Variants in EIF2D observed in about 807,000 individuals in gnomAD.
EIF2D encodes eukaryotic translation initiation factor 2D.
A neutral mutation model predicts 77.4 loss-of-function variants in EIF2D; 56 were observed. The observed-to-expected ratio is 0.72, with a 90% CI of 0.58 to 0.90. The LOEUF (loss-of-function observed/expected upper bound fraction) is 0.90, where lower values mean the gene tolerates loss of function less well. Ranked by LOEUF, EIF2D falls within the 40% of genes least tolerant of loss-of-function variation. EIF2D has a pLI of 0.00. For missense variants in EIF2D, 574 were observed against 706.5 expected (o/e 0.81, Z 2.13); for synonymous variants, 230 against 271.0 (o/e 0.85, Z 1.49).
intron 13 of EIF2D, 151 bp from the exon 14 acceptor site, chr1:206,593,944 C>G (rs1465998244): frequency 1.6e-6 from 1 of 613,034 alleles, no homozygotes; most frequent in Non-Finnish European, 2.6e-6. Flanking sequence ...ATCCAAATCA[C>G]TTATTTTTGT....
chr1:206,584,778 T>G lies in EIF2D; in HGVS notation c.139-3616A>C. ...TCCTGCCGGCCTTGGGTGGGAGCTG[T>G]GGGCTTCTCCTGAGCACCAGGGGTC... On this transcript the variant is annotated intron_variant and NMD_transcript_variant, in intron 2 of 5. Coordinates refer to the EIF2D transcript ENST00000472709. This position sits in a 1 kb window ranked among gnomAD's most constrained non-coding sequence, Gnocchi z 4.9. The G allele has an allele frequency of 7.2e-7, 1 of 1,382,908 alleles. No individual in the cohort carries two copies. Among genetic ancestry groups the G allele is most frequent in the Non-Finnish European group, 1.0e-6 (1 of 999,700 alleles). 85.7% of individuals were successfully genotyped at this position (1,382,908 alleles called of 1,614,324 possible). A position where few individuals can be genotyped will look rare whatever the true frequency, so the allele number is the denominator to read the frequency against.
chr1:206,587,368 G>A (rs1431950309), downstream of EIF2D: 2 of 315,184 alleles, frequency 6.3e-6, no homozygotes, highest in East Asian at 8.9e-5. Flanking sequence ...ATTCCTCTTT[G>A]AGTTCTCTTA....
chr1:206,589,115 C>T (rs1669255838), downstream of EIF2D: 2 of 152,698 alleles, frequency 1.3e-5, no homozygotes, highest in African/African-American at 2.4e-5. Context: ...AGTATAGTAT[C>T]GAGTACCCGT....
Position 206,603,247 on chromosome 1 carries a change from T to A in EIF2D, c.531-43A>T, listed in dbSNP as rs782067395. ...CAGAAACATCAAGCAGCAGCTCCAA[T>A]ACTCTCCAGCCCTGGCCACAGAGGA... On this transcript the variant is annotated intron_variant, in intron 5 of 14. Transcript: ENST00000271764. 2.5e-6 allele frequency: 4 copies of A among 1,600,368 alleles called. No individual in the cohort carries two copies. The Admixed American group carries it at 6.7e-5, about 27-fold the overall frequency.
In EIF2D at chr1:206,579,241, G is replaced by T. The variant is rs188861027; in HGVS notation, c.*254+1451C>A. Among the ~76,000 whole-genome samples, 17 of 152,328 alleles carry T rather than the reference G, an allele frequency of 1.1e-4. No individual in the cohort carries two copies. Among genetic ancestry groups the T allele is most frequent in the African/African-American group, 4.1e-4 (17 of 41,560 alleles). On this transcript the variant is annotated intron_variant and NMD_transcript_variant, in intron 4 of 5. Coordinates refer to the EIF2D transcript ENST00000472709. This position sits in a 1 kb window ranked among gnomAD's most constrained non-coding sequence, Gnocchi z 4.2. ...TGCCAGGGGCTTAATCGGAATAGAT[G>T]AATTCCATGCCAGATGCACTGAGAT...
Position 206,602,394 on chromosome 1 carries a change from T to C in EIF2D, c.844A>G (p.Lys282Glu), listed in dbSNP as rs1553411485. ...CTGGTGAGTAAAGGGAGGTCAGCCT[T>C]TTTGACTCGGCACTTCAAGGCATGT... Reference protein sequence around the residue: ...FLHALKCRVKKADLPLLTSTF... With the variant: ...FLHALKCRVKEADLPLLTSTF... Residue 282 changes from lysine to glutamate, a missense_variant, in exon 7 of 15, where the codon AAG becomes GAG. By Grantham distance (56) the Lys-to-Glu change is moderately conservative. Coordinates refer to ENST00000271764, the MANE Select transcript of EIF2D (RefSeq NM_006893.3). 1 of 1,614,216 alleles carries C rather than the reference T, an allele frequency of 6.2e-7. No individual in the cohort carries two copies. Among genetic ancestry groups the C allele is most frequent in the East Asian group, 2.2e-5 (1 of 44,878 alleles).
rs561663265 is a variant in EIF2D at position 206,608,878 on chromosome 1, CCT to C, written c.331+496_331+497del. 2.5e-4 allele frequency among the ~76,000 whole-genome samples: 38 copies of C among 152,170 alleles called. No homozygotes were observed. In the East Asian group the frequency reaches 7.0e-3, roughly 28 times the overall value. The stretch of plus-strand genomic sequence containing the variant: ...ACCAGCCTGGCCAACATGATGAAAC[CCT>C]GTCTCTACTAAAAATACAAAAATTA... On this transcript the variant is annotated intron_variant, in intron 3 of 14. Coordinates refer to ENST00000271764, the MANE Select transcript of EIF2D (RefSeq NM_006893.3).
chr1:206,585,238 G>C, intron 2 of EIF2D: 2 of 1,614,138 alleles, frequency 1.2e-6, no homozygotes, highest in Non-Finnish European at 1.7e-6. Context: ...TGCTTGCTGG[G>C]CCTGACACGG....
intron 4 of EIF2D, among the ~76,000 whole-genome samples, chr1:206,580,474 G>C (rs1358057473): frequency 6.6e-6 from 1 of 152,170 alleles, no homozygotes; most frequent in African/African-American, 2.4e-5. Flanking sequence ...TTTCTAATTA[G>C]AAGCTCCCAG....
rs1386428805 is a variant in EIF2D at position 206,599,040 on chromosome 1, C to T, written c.1255G>A (p.Ala419Thr). Residue 419 changes from alanine to threonine, a missense_variant, in exon 11 of 15, where the codon GCC becomes ACC. Physicochemically the swap from Ala to Thr is moderately conservative, Grantham distance 58 (BLOSUM62 0). Transcript: ENST00000271764. The surrounding 1 kb of genome is among the most constrained non-coding windows in gnomAD (Gnocchi z 4.1). ...SEVRTIVINYAKKNDLVDADN... is the reference protein window; with the variant it reads ...SEVRTIVINYTKKNDLVDADN... Reference sequence around the variant, plus strand: ...GCATCAACCAGGTCATTTTTCTTGGCGTAGTTAATGACGATCGTTCGGACC... The same window carrying T: ...GCATCAACCAGGTCATTTTTCTTGGTGTAGTTAATGACGATCGTTCGGACC... The T allele has an allele frequency of 1.8e-5, 29 of 1,613,984 alleles. No homozygotes were observed. The highest frequency in any genetic ancestry group is 1.6e-4 in the Middle Eastern group (1 of 6,084).
intron 2 of EIF2D, among the ~76,000 whole-genome samples, chr1:206,610,824 A>G (rs6540493): frequency 0.088 from 13,412 of 152,108 alleles, 671 homozygotes; most frequent in South Asian, 0.15. Context: ...CTGTCTCATG[A>G]AGACATGCCC....
intron 4 of EIF2D, among the ~76,000 whole-genome samples, chr1:206,573,348 C>T (rs2103555237): frequency 6.6e-6 from 1 of 152,168 alleles, no homozygotes; most frequent in Non-Finnish European, 1.5e-5. Flanking sequence ...TTTCTCAAGA[C>T]CATGTAGTGA....
rs115988527 is a variant in EIF2D, at chr1:206,595,497, C to A, written c.1509+221G>T. 466 of 388,320 alleles carry A rather than the reference C, an allele frequency of 1.2e-3. 1 individual carries two copies. Among genetic ancestry groups the A allele is most frequent in the African/African-American group, 9.0e-3 (442 of 48,974 alleles). 24.1% of individuals were successfully genotyped at this position (388,320 alleles called of 1,614,324 possible). A position where few individuals can be genotyped will look rare whatever the true frequency, so the allele number is the denominator to read the frequency against. ...GTTTACTTTTGGAACCAGGCTCTAG[C>A]AAGTTTCCTAGAACAAAATCCTAGA... is the stretch of plus-strand genomic sequence containing the variant. On this transcript the variant is annotated intron_variant, in intron 13 of 14. Coordinates refer to ENST00000271764, the MANE Select transcript of EIF2D (RefSeq NM_006893.3).
At chr1:206,569,821 C>T (rs1668391058), downstream of EIF2D, among the ~76,000 whole-genome samples, 1 of 151,984 alleles carries the variant, frequency 6.6e-6, no homozygotes, top group Admixed American at 6.6e-5. Flanking sequence ...CTGGGCTGTC[C>T]AGGTCATTTT....
At chr1:206,569,824 G>C (rs1240386836), downstream of EIF2D, among the ~76,000 whole-genome samples, 1 of 152,072 alleles carries the variant, frequency 6.6e-6, no homozygotes, top group Non-Finnish European at 1.5e-5. Flanking sequence ...GGCTGTCCAG[G>C]TCATTTTTTG....
Position 206,595,757 on chromosome 1 carries a change from T to C in EIF2D, c.1470A>G (p.Pro490=), listed in dbSNP as rs114677866. ...CTCTTTGTGCTAGGGTGATGTCAATTGGACAGATTCTCCCTTTCTTCACAA... is the reference window on the plus strand; with the variant it reads ...CTCTTTGTGCTAGGGTGATGTCAATCGGACAGATTCTCCCTTTCTTCACAA... ...EPIVKKGRIC[P]IDITLAQRAS... The change falls in exon 13 of 15, where the codon CCA becomes CCG. Residue 490 remains proline (P), a synonymous_variant. Coordinates refer to ENST00000271764, the MANE Select transcript of EIF2D (RefSeq NM_006893.3). 5.6e-6 allele frequency: 9 copies of C among 1,614,130 alleles called. No homozygotes were observed. Among genetic ancestry groups the C allele is most frequent in the African/African-American group, 4.0e-5 (3 of 74,952 alleles).
At chr1:206,607,648 G>A (rs1162158974) in intron 4 of EIF2D, among the ~76,000 whole-genome samples, 1 of 151,694 alleles carries the variant, frequency 6.6e-6, no homozygotes, top group Non-Finnish European at 1.5e-5. Context: ...TGAGGATAAT[G>A]ATATGCATAT....
chr1:206,598,024 GT>G (rs1234127241), intron 11 of EIF2D, among the ~76,000 whole-genome samples: 1 of 152,056 alleles, frequency 6.6e-6, no homozygotes, highest in Admixed American at 6.5e-5. Flanking sequence ...TCATGATGAT[GT>G]TTTTTTAAAG....
chr1:206,580,741 A>C (rs1283044117), exon 4 of EIF2D: 1 of 152,244 alleles, frequency 6.6e-6, no homozygotes, highest in Non-Finnish European at 1.5e-5. Flanking sequence ...GGTGGTCTGC[A>C]ACAGAATCAA....
Sources: allele counts gnomAD v4.1 joint callset (sites outside exome capture counted in the v4.1 genomes callset), GRCh38; gene constraint gnomAD v4.1.1; non-coding constraint Gnocchi (gnomAD v3.1); transcripts MANE v1.5; gene names NCBI Gene and HGNC (gene_info 2026-07-23, HGNC 2026-07-21).